Variants in IGSF21 observed in about 807,000 individuals in gnomAD.
The protein encoded by IGSF21 is immunoglobin superfamily member 21, also known as immunoglobulin superfamily member 21.
Under a neutral mutation model 46.8 loss-of-function variants are expected in IGSF21, and 28 were observed. The ratio of observed to expected loss-of-function variants is 0.60; its 90% CI spans 0.44 to 0.82. IGSF21 has a LOEUF of 0.82. Ranked by LOEUF, IGSF21 falls within the 40% of genes least tolerant of loss-of-function variation. The probability of loss-of-function intolerance (pLI) is 0.00; values close to 1 mark genes in which losing one functional copy is unlikely to be tolerated. For missense variants in IGSF21, 624 were observed against 665.5 expected (o/e 0.94, Z 0.69); for synonymous variants, 284 against 273.6 (o/e 1.04, Z -0.38).
intron 2 of IGSF21, among the ~76,000 whole-genome samples, chr1:18,231,922 C>CTTGTGTGT (rs1553156168): frequency 7.3e-6 from 1 of 136,438 alleles, no homozygotes; most frequent in Non-Finnish European, 1.6e-5. Flanking sequence ...ATCATTAGAT[C>CTTGTGTGT]GTGTGTGTGT....
intron 1 of IGSF21, among the ~76,000 whole-genome samples, chr1:18,211,464 TC>T (rs1402850548): frequency 6.6e-6 from 1 of 152,242 alleles, no homozygotes; most frequent in Non-Finnish European, 1.5e-5. Flanking sequence ...TTTGCAAATT[TC>T]CAGGCCCTTC....
rs1423845210 is a variant in IGSF21, at chr1:18,376,784, CT to C, written c.1102-15del. 1 of 1,571,400 alleles carries C rather than the reference CT, an allele frequency of 6.4e-7. No homozygotes were observed. Among genetic ancestry groups the C allele is most frequent in the Non-Finnish European group, 8.7e-7 (1 of 1,153,152 alleles). On this transcript the variant is annotated splice_polypyrimidine_tract_variant and intron_variant, in intron 7 of 9. Coordinates refer to ENST00000251296, the MANE Select transcript of IGSF21 (RefSeq NM_032880.5). ...GGCCCTCCTGTGACCCACCTCTCCC[CT>C]GATCTGGCCAACAGAACGAAGTCTT...
chr1:18,359,462 G>GAAAGGGAA (rs1491492678), intron 4 of IGSF21, among the ~76,000 whole-genome samples: 40 of 74,848 alleles, frequency 5.3e-4, no homozygotes, highest in African/African-American at 2.1e-3. Flanking sequence ...AAGAAAGAAA[G>GAAAGGGAA]GGAAGGAAGG....
At chr1:18,232,294 T>A (rs1273590904) in intron 2 of IGSF21, among the ~76,000 whole-genome samples, 2 of 151,010 alleles carry the variant, frequency 1.3e-5, no homozygotes, top group Non-Finnish European at 1.5e-5. Flanking sequence ...ACCCTAGCAC[T>A]TAAGTTGGGA....
intron 1 of IGSF21, among the ~76,000 whole-genome samples, chr1:18,217,919 A>G (rs1428715127): frequency 2.6e-5 from 4 of 152,214 alleles, no homozygotes; most frequent in Non-Finnish European, 5.9e-5. Flanking sequence ...TGAGCTAGTA[A>G]TTACAGAAAT....
At chr1:18,123,260 G>C (rs2086250072) in intron 1 of IGSF21, among the ~76,000 whole-genome samples, 1 of 152,184 alleles carries the variant, frequency 6.6e-6, no homozygotes, top group South Asian at 2.1e-4. Context: ...TGCCTTCCCA[G>C]CTTCCTGCCT....
chr1:18,140,712 T>C (rs914412891), intron 1 of IGSF21, among the ~76,000 whole-genome samples: 26 of 152,230 alleles, frequency 1.7e-4, no homozygotes, highest in Non-Finnish European at 3.1e-4. Flanking sequence ...CACCTCTTCT[T>C]GGAAGTCTTC....
rs912733907 is a variant in IGSF21, at chr1:18,335,424, G to A, written c.424+414G>A. On this transcript the variant is annotated intron_variant, in intron 4 of 9. Transcript: ENST00000251296. The surrounding 1 kb of genome is among the most constrained non-coding windows in gnomAD (Gnocchi z 4.8). ...TGAATTAGAAAGCGCTCATGGCTGG[G>A]ATTCAGAGCTCCTGGGTTCTCACCC... is the stretch of plus-strand genomic sequence containing the variant. Among the ~76,000 whole-genome samples, 1 of 152,224 alleles carries A rather than the reference G, an allele frequency of 6.6e-6. No homozygotes were observed. The highest frequency in any genetic ancestry group is 2.4e-5 in the African/African-American group (1 of 41,454).
chr1:18,139,801 A>G (rs1410917044), intron 1 of IGSF21, among the ~76,000 whole-genome samples: 2 of 152,110 alleles, frequency 1.3e-5, no homozygotes, highest in Non-Finnish European at 2.9e-5. Context: ...CTTACTGTGA[A>G]TGAAACTCAT....
chr1:18,289,865 G>T (rs571283260), intron 2 of IGSF21, among the ~76,000 whole-genome samples: 1 of 152,328 alleles, frequency 6.6e-6, no homozygotes, highest in African/African-American at 2.4e-5. Flanking sequence ...TGCTTTAAAG[G>T]TACTTTGGTG....
At chr1:18,146,834 T>C (rs1261271328) in intron 1 of IGSF21, among the ~76,000 whole-genome samples, 1 of 152,182 alleles carries the variant, frequency 6.6e-6, no homozygotes, top group Non-Finnish European at 1.5e-5. Flanking sequence ...ACCCCTGATA[T>C]GTAGATGAGG....
At chr1:18,155,925 T>C (rs921864813) in intron 1 of IGSF21, among the ~76,000 whole-genome samples, 1 of 152,224 alleles carries the variant, frequency 6.6e-6, no homozygotes, top group African/African-American at 2.4e-5. Flanking sequence ...TGATTAAAGT[T>C]GTACATGTTT....
chr1:18,149,885 A>T (rs1045339462), intron 1 of IGSF21, among the ~76,000 whole-genome samples: 2 of 152,218 alleles, frequency 1.3e-5, no homozygotes, highest in Non-Finnish European at 2.9e-5. Flanking sequence ...TCTGAGCAGA[A>T]TGCCAAGCGC....
At chr1:18,226,273 T>C (rs2084565545) in intron 1 of IGSF21, among the ~76,000 whole-genome samples, 1 of 152,152 alleles carries the variant, frequency 6.6e-6, no homozygotes, top group Non-Finnish European at 1.5e-5. Context: ...ACCTGAGTGG[T>C]GACTGTGTTG....
intron 4 of IGSF21, among the ~76,000 whole-genome samples, chr1:18,359,584 A>T (rs2086078674): frequency 6.6e-6 from 1 of 152,154 alleles, no homozygotes; most frequent in Non-Finnish European, 1.5e-5. Context: ...ATAAGAAAGA[A>T]TGAATGAGTG....
chr1:18,134,320 C>T (rs1485334451), intron 1 of IGSF21, among the ~76,000 whole-genome samples: 1 of 152,108 alleles, frequency 6.6e-6, no homozygotes, highest in Non-Finnish European at 1.5e-5. Context: ...GGCAGAGAGG[C>T]TGTCATCTCA....
chr1:18,186,531 C>T (rs1557578063), intron 1 of IGSF21, among the ~76,000 whole-genome samples: 2 of 152,150 alleles, frequency 1.3e-5, no homozygotes, highest in Non-Finnish European at 2.9e-5. Flanking sequence ...AGCCCAGTGG[C>T]TCTCCCCTGA....
intron 1 of IGSF21, among the ~76,000 whole-genome samples, chr1:18,171,544 C>T (rs1303157815): frequency 6.6e-6 from 1 of 152,218 alleles, no homozygotes; most frequent in Non-Finnish European, 1.5e-5. Context: ...GGCTCTGCTG[C>T]TCACTAGCCA....
intron 5 of IGSF21, among the ~76,000 whole-genome samples, chr1:18,363,844 G>A (rs2086130341): frequency 6.6e-6 from 1 of 152,064 alleles, no homozygotes; most frequent in African/African-American, 2.4e-5. Flanking sequence ...CAGAGACACA[G>A]GTGGGGTGGT....
Sources: allele counts gnomAD v4.1 joint callset (sites outside exome capture counted in the v4.1 genomes callset), GRCh38; gene constraint gnomAD v4.1.1; non-coding constraint Gnocchi (gnomAD v3.1); transcripts MANE v1.5; gene names NCBI Gene and HGNC (gene_info 2026-07-23, HGNC 2026-07-21).